CSMD1: variants seen among roughly 807,000 people sequenced by gnomAD.
CSMD1 encodes the protein CUB and Sushi multiple domains 1.
Under a neutral mutation model 417.5 loss-of-function variants are expected in CSMD1, and 213 were observed. The ratio of observed to expected loss-of-function variants is 0.51; its 90% CI spans 0.46 to 0.57. CSMD1 has a LOEUF of 0.57. CSMD1 is among the 20% of genes least tolerant of loss of function. The pLI is 0.00. For synonymous variants in CSMD1, 2,862 were observed against 1,736.8 expected (o/e 1.65, Z -16.11); for missense variants, 6,923 against 4,529.7 (o/e 1.53, Z -15.17).
chr8:3,212,192 AT>A (rs1797651472), intron 30 of CSMD1, among the ~76,000 whole-genome samples: 1 of 152,266 alleles, frequency 6.6e-6, no homozygotes, highest in East Asian at 1.9e-4. Context: ...TATGCTTCTT[AT>A]TTTAGTTTTT....
intron 1 of CSMD1, among the ~76,000 whole-genome samples, chr8:4,975,291 T>C (rs1024142853): frequency 1.3e-5 from 2 of 152,246 alleles, no homozygotes; most frequent in Admixed American, 6.5e-5. Flanking sequence ...ATCTGCTGTA[T>C]ATCATTTGAA....
chr8:4,642,870 G>A (rs1377598073), intron 1 of CSMD1, among the ~76,000 whole-genome samples: 2 of 152,190 alleles, frequency 1.3e-5, no homozygotes, highest in Non-Finnish European at 2.9e-5. Context: ...TAGGGACTTA[G>A]AAAGATGTGG....
chr8:3,960,434 G>C (rs918054332), intron 5 of CSMD1, among the ~76,000 whole-genome samples: 1 of 152,128 alleles, frequency 6.6e-6, no homozygotes, highest in African/African-American at 2.4e-5. Context: ...CTCAATGCTA[G>C]TGAGAAATAC....
chr8:4,394,544 T>C (rs909168215), intron 3 of CSMD1, among the ~76,000 whole-genome samples: 1 of 152,190 alleles, frequency 6.6e-6, no homozygotes, highest in African/African-American at 2.4e-5. Flanking sequence ...AACTCATTGC[T>C]TTGGAGCAAA....
intron 3 of CSMD1, among the ~76,000 whole-genome samples, chr8:4,351,007 A>G (rs1343292034): frequency 2.6e-5 from 4 of 152,196 alleles, no homozygotes; most frequent in African/African-American, 9.7e-5. Context: ...AATCGAAATT[A>G]AAGTTCTGTC....
chr8:3,199,558 T>G (rs1479155770), intron 33 of CSMD1, among the ~76,000 whole-genome samples, 156 bp downstream of exon 33: 3 of 152,174 alleles, frequency 2.0e-5, no homozygotes, highest in Non-Finnish European at 4.4e-5. Context: ...ATATTTTTAT[T>G]AAATAATTTT....
intron 11 of CSMD1, among the ~76,000 whole-genome samples, chr8:3,470,947 A>G (rs1817058756): frequency 6.6e-6 from 1 of 152,162 alleles, no homozygotes; most frequent in Non-Finnish European, 1.5e-5. Flanking sequence ...GACTGATACT[A>G]GTTTTGGCAG....
At chr8:4,886,797 A>T (rs1803770650) in intron 1 of CSMD1, among the ~76,000 whole-genome samples, 1 of 151,978 alleles carries the variant, frequency 6.6e-6, no homozygotes, top group Non-Finnish European at 1.5e-5. Context: ...TTATTCTTAA[A>T]ATATTTTTAT....
chr8:3,987,066 G>A (rs1013624544), intron 5 of CSMD1, among the ~76,000 whole-genome samples: 1 of 152,150 alleles, frequency 6.6e-6, no homozygotes, highest in East Asian at 1.9e-4. Flanking sequence ...AAATGTTAAA[G>A]TGATTTCTAT....
intron 18 of CSMD1, among the ~76,000 whole-genome samples, chr8:3,371,349 A>ATT (rs1288085493): frequency 3.3e-5 from 5 of 152,172 alleles, no homozygotes; most frequent in African/African-American, 9.7e-5. Flanking sequence ...TGGGGCAAAA[A>ATT]TCACAGCTCA....
rs1313958327 is a variant in CSMD1, at chr8:3,776,858, A to G, written c.819-22816T>C. On this transcript the variant is annotated intron_variant, in intron 5 of 69. Transcript: ENST00000635120. ...AGATCATACATAGAATGACAGATACAGACAAAGATAGCTGATAGATATAAC... is the reference window on the plus strand; with the variant it reads ...AGATCATACATAGAATGACAGATACGGACAAAGATAGCTGATAGATATAAC... Among the ~76,000 whole-genome samples, 5 of 147,888 alleles carry G rather than the reference A, an allele frequency of 3.4e-5. No individual in the cohort carries two copies. The East Asian group carries it at 6.1e-4, about 18-fold the overall frequency.
chr8:4,810,361 G>T (rs939080896), intron 1 of CSMD1, among the ~76,000 whole-genome samples: 2 of 151,872 alleles, frequency 1.3e-5, no homozygotes, highest in South Asian at 4.1e-4. Context: ...TTTTGTTTTT[G>T]ACTTTTGATA....
At chr8:4,270,173 C>T (rs573325227) in intron 3 of CSMD1, among the ~76,000 whole-genome samples, 49 of 152,262 alleles carry the variant, frequency 3.2e-4, no homozygotes, top group African/African-American at 1.0e-3. Flanking sequence ...AGGAGGCAAG[C>T]GGTTAGAAAG....
rs1563092014 is a variant in CSMD1 at position 3,494,564 on chromosome 8, A to AGG, written c.1345-839_1345-838insCC. Among the ~76,000 whole-genome samples the AGG allele has an allele frequency of 1.6e-3, 151 of 95,282 alleles. 1 individual carries two copies. Among genetic ancestry groups the AGG allele is most frequent in the African/African-American group, 5.8e-3 (140 of 24,170 alleles). The allele number at this position is 95,282 out of a possible 152,430, so 62.5% of individuals were successfully genotyped here. On this transcript the variant is annotated intron_variant, in intron 10 of 69. Coordinates refer to ENST00000635120, the MANE Select transcript of CSMD1 (RefSeq NM_033225.6). ...TACAGACAGATTAGATGATAGATAG[A>AGG]TAGATAGATAGATAGATAGATAGAT...
intron 1 of CSMD1, among the ~76,000 whole-genome samples, chr8:4,936,989 T>C (rs1807663877): frequency 6.6e-6 from 1 of 152,178 alleles, no homozygotes; most frequent in Non-Finnish European, 1.5e-5. Context: ...GGCTGGAGGA[T>C]ACCTTGAGGT....
intron 1 of CSMD1, among the ~76,000 whole-genome samples, chr8:4,950,651 G>A (rs1403277577): frequency 6.6e-6 from 1 of 152,088 alleles, no homozygotes; most frequent in African/African-American, 2.4e-5. Flanking sequence ...GTTTTAAATG[G>A]CCAAGGATTT....
At chr8:3,541,229 G>C (rs1215863969) in intron 10 of CSMD1, among the ~76,000 whole-genome samples, 1 of 152,176 alleles carries the variant, frequency 6.6e-6, no homozygotes, top group African/African-American at 2.4e-5. Flanking sequence ...GTGCTTTGCA[G>C]GAACATGGAT....
intron 5 of CSMD1, among the ~76,000 whole-genome samples, chr8:3,919,430 G>A (rs762073802): frequency 3.3e-5 from 5 of 151,848 alleles, no homozygotes; most frequent in African/African-American, 4.8e-5. Flanking sequence ...CATGTTTTTT[G>A]GTTAGTTGGC....
At chr8:4,987,567 A>G (rs1811245076) in intron 1 of CSMD1, among the ~76,000 whole-genome samples, 1 of 152,214 alleles carries the variant, frequency 6.6e-6, no homozygotes, top group African/African-American at 2.4e-5. Flanking sequence ...TATCACGCCA[A>G]AAAGTAAAAA....
Sources: allele counts gnomAD v4.1 joint callset (sites outside exome capture counted in the v4.1 genomes callset), GRCh38; gene constraint gnomAD v4.1.1; transcripts MANE v1.5; gene names NCBI Gene and HGNC (gene_info 2026-07-23, HGNC 2026-07-21).